Variants in SLCO1A2 observed in about 807,000 individuals in gnomAD.
The protein encoded by SLCO1A2 is solute carrier organic anion transporter family member 1A2.
SLCO1A2 carries 67 observed loss-of-function variants against 69.0 expected under a neutral mutation model. That is an observed-to-expected ratio of 0.97 (90% CI 0.80 to 1.19). The LOEUF (loss-of-function observed/expected upper bound fraction) is 1.19, where lower values mean the gene tolerates loss of function less well. Among genes scored for constraint, SLCO1A2 ranks in the 50% most tolerant of loss-of-function variants. The probability of loss-of-function intolerance (pLI) is 0.00; values close to 1 mark genes in which losing one functional copy is unlikely to be tolerated. For synonymous variants in SLCO1A2, 260 were observed against 265.9 expected (o/e 0.98, Z 0.22); for missense variants, 787 against 793.7 (o/e 0.99, Z 0.10).
At chr12:21,379,406 T>C (rs1466593073) in intron 1 of SLCO1A2, 1 of 152,248 alleles carries the variant, frequency 6.6e-6, no homozygotes. Context: ...ACCTCAGTCA[T>C]ATTCTTATGC....
At chr12:21,307,711 GTC>G (rs1260092676) in intron 4 of SLCO1A2, among the ~76,000 whole-genome samples, 1 of 152,210 alleles carries the variant, frequency 6.6e-6, no homozygotes, top group Non-Finnish European at 1.5e-5. Context: ...GTTCAGTGAA[GTC>G]TCTGTTTGTT....
At chr12:21,400,934 A>G (rs757283376) in intron 1 of SLCO1A2, among the ~76,000 whole-genome samples, 3,319 of 146,686 alleles carry the variant, frequency 0.023, 67 homozygotes, top group Non-Finnish European at 0.035. Flanking sequence ...GCTAGATGAC[A>G]AGTTAGTGGG....
chr12:21,314,237 T>G (rs888136083), intron 4 of SLCO1A2, among the ~76,000 whole-genome samples: 1 of 152,216 alleles, frequency 6.6e-6, no homozygotes, highest in Non-Finnish European at 1.5e-5. Flanking sequence ...CATTATTAAT[T>G]AGAAGTATTT....
At chr12:21,349,675 T>C (rs1485825525) in intron 2 of SLCO1A2, among the ~76,000 whole-genome samples, 1 of 152,166 alleles carries the variant, frequency 6.6e-6, no homozygotes, top group African/African-American at 2.4e-5. Flanking sequence ...TTTGAATCAT[T>C]CTGTTATACT....
chr12:21,326,244 C>G (rs925527769), intron 2 of SLCO1A2, among the ~76,000 whole-genome samples: 1 of 152,134 alleles, frequency 6.6e-6, no homozygotes, highest in Admixed American at 6.6e-5. Flanking sequence ...CATTAAACCT[C>G]TTTTTCTTTA....
intron 2 of SLCO1A2, 57 bp from the exon 3 acceptor site, chr12:21,318,980 C>A: frequency 7.5e-7 from 1 of 1,335,256 alleles, no homozygotes; most frequent in South Asian, 1.4e-5. Flanking sequence ...GTATACTTGC[C>A]GTCTGTTGAC....
At chr12:21,303,905 TGAG>T (rs1001858809) in intron 6 of SLCO1A2, among the ~76,000 whole-genome samples, 1 of 152,068 alleles carries the variant, frequency 6.6e-6, no homozygotes, top group African/African-American at 2.4e-5. Flanking sequence ...ATTTAATAAA[TGAG>T]GAGCTTATAT....
chr12:21,289,184 C>CTGTGTGTGTG lies in SLCO1A2; in HGVS notation c.1610+2970_1610+2979dup, dbSNP rs10636619. Among the ~76,000 whole-genome samples, 533 of 136,980 alleles carry CTGTGTGTGTG rather than the reference C, an allele frequency of 3.9e-3. 1 individual carries two copies. Among genetic ancestry groups the CTGTGTGTGTG allele is most frequent in the African/African-American group, 0.011 (416 of 36,972 alleles). The allele number at this position is 136,980 out of a possible 152,430, so 89.9% of individuals were successfully genotyped here. A position where few individuals can be genotyped will look rare whatever the true frequency, so the allele number is the denominator to read the frequency against. On this transcript the variant is annotated intron_variant, in intron 12 of 14. Transcript: ENST00000683939. ...CATTTGTGATGGTAATGGTACCATT[C>CTGTGTGTGTG]TGTGTGTGTGTGTGTGTGTGTGTGT...
chr12:21,405,422 C>T (rs1244241790), intron 1 of SLCO1A2, among the ~76,000 whole-genome samples: 3 of 152,054 alleles, frequency 2.0e-5, no homozygotes, highest in Admixed American at 2.0e-4. Flanking sequence ...AAAACTACTT[C>T]AAAATTCATA....
intron 12 of SLCO1A2, among the ~76,000 whole-genome samples, chr12:21,288,731 T>C (rs1946362169): frequency 2.0e-5 from 3 of 152,050 alleles, no homozygotes; most frequent in Non-Finnish European, 4.4e-5. Flanking sequence ...TACCCTAATA[T>C]GGTTATTACA....
chr12:21,350,393 A>T (rs1937840810), intron 2 of SLCO1A2, among the ~76,000 whole-genome samples: 1 of 152,118 alleles, frequency 6.6e-6, no homozygotes, highest in Non-Finnish European at 1.5e-5. Flanking sequence ...AAATACAATA[A>T]GAATAAAATA....
rs71444113 is a variant in SLCO1A2 at position 21,280,678 on chromosome 12, CA to C, written c.1611-5255del. ...TCAGCATTGGACAGATCTTCCAGAC[CA>C]AAAAAAAAAATAAATAAATAAACAA... On this transcript the variant is annotated intron_variant, in intron 12 of 14. Coordinates refer to ENST00000683939, the MANE Select transcript of SLCO1A2 (RefSeq NM_001386879.1). Among the ~76,000 whole-genome samples the C allele has an allele frequency of 1.2e-3, 158 of 129,236 alleles. 2 individuals are homozygous for C. Among genetic ancestry groups the C allele is most frequent in the South Asian group, 4.0e-3 (17 of 4,198 alleles). The allele number at this position is 129,236 out of a possible 152,430, so 84.8% of individuals were successfully genotyped here.
chr12:21,409,872 C>T (rs1941879644), intron 1 of SLCO1A2, among the ~76,000 whole-genome samples: 1 of 152,170 alleles, frequency 6.6e-6, no homozygotes, highest in Non-Finnish European at 1.5e-5. Context: ...CAAGTTCTTT[C>T]ATCTCAATGA....
At chr12:21,281,864 C>T (rs1944857768) in intron 12 of SLCO1A2, among the ~76,000 whole-genome samples, 1 of 152,028 alleles carries the variant, frequency 6.6e-6, no homozygotes, top group Non-Finnish European at 1.5e-5. Context: ...ACACATACAA[C>T]CCATCAAGAT....
intron 1 of SLCO1A2, chr12:21,417,828 T>C (rs1050356429): frequency 1.3e-5 from 2 of 152,058 alleles, no homozygotes; most frequent in Non-Finnish European, 2.9e-5. Context: ...ATAATGTACA[T>C]ATATATTAAA....
intron 1 of SLCO1A2, among the ~76,000 whole-genome samples, chr12:21,389,990 A>G (rs1941071798): frequency 6.6e-6 from 1 of 151,290 alleles, no homozygotes; most frequent in Non-Finnish European, 1.5e-5. Flanking sequence ...AAAAAGACAC[A>G]ATTACTTTTG....
intron 2 of SLCO1A2, among the ~76,000 whole-genome samples, chr12:21,360,400 A>C (rs1938743927): frequency 6.6e-6 from 1 of 152,262 alleles, no homozygotes; most frequent in Non-Finnish European, 1.5e-5. Flanking sequence ...ATTTAAAGAA[A>C]GCTCCAATAA....
At position 21,300,357 on chromosome 12, in the gene SLCO1A2, T is replaced by C. The variant is rs1258380427; in HGVS notation, c.901A>G (p.Ile301Val). The change falls in exon 8 of 15, where the codon ATC becomes GTC. Residue 301 changes from isoleucine to valine, a missense_variant. Coordinates refer to ENST00000683939, the MANE Select transcript of SLCO1A2 (RefSeq NM_001386879.1). ...KEEVKKEKYG[I>V]TKDFLPFMKS... ...GAATATGTATATTTGCCTTTAGTGA[T>C]TCCATATTTTTCCTTCTTGACCTCT... The C allele has an allele frequency of 1.9e-6, 3 of 1,604,290 alleles. No individual in the cohort carries two copies. The highest frequency in any genetic ancestry group is 4.5e-5 in the East Asian group (2 of 44,788).
In SLCO1A2 at chr12:21,360,290, T is replaced by C. The variant is rs539847958; in HGVS notation, c.-63+14109A>G. Among the ~76,000 whole-genome samples the C allele has an allele frequency of 8.5e-5, 13 of 152,324 alleles. No homozygotes were observed. The South Asian group carries it at 2.7e-3, about 32-fold the overall frequency. On this transcript the variant is annotated intron_variant, in intron 2 of 15. Coordinates refer to the SLCO1A2 transcript ENST00000307378. ...CCAAAACCAGTCAAATTATACATTT[T>C]AAATATGTGCAGTTTATTGAATTTT...
Sources: gnomAD v4.1 joint callset for allele counts (sites outside exome capture counted in the v4.1 genomes callset) on GRCh38, gnomAD v4.1.1 for gene constraint, MANE v1.5 for transcripts, NCBI Gene and HGNC (gene_info 2026-07-23, HGNC 2026-07-21) for gene names.